Variants in IPO5 observed in about 807,000 individuals in gnomAD.
IPO5 encodes importin 5.
IPO5 carries 18 observed loss-of-function variants against 143.3 expected under a neutral mutation model. That is an observed-to-expected ratio of 0.13 (90% CI 0.09 to 0.19). The LOEUF (loss-of-function observed/expected upper bound fraction) is 0.19. Ranked by LOEUF, IPO5 falls within the 10% of genes least tolerant of loss-of-function variation. The pLI is 1.00. For missense variants in IPO5, 1,013 were observed against 1,336.9 expected, an observed-to-expected ratio of 0.76 and a Z score of 3.78; for synonymous variants, 477 against 465.7, an observed-to-expected ratio of 1.02 and a Z score of -0.31.
rs746221898 is a variant in IPO5, at chr13:97,990,485, A to C, written c.617A>C (p.His206Pro). ...ATAAFILANE[H>P]NVALFKHFAD... ...GCTGCATTTATACTTGCAAATGAGC[A>C]TAATGTTGCTCTGTTCAAACATTTT... The change falls in exon 9 of 29, where the codon CAT becomes CCT. Residue 206 changes from histidine to proline, a missense_variant. This residue lies in a region of IPO5 where 328 missense variants were observed against 342.0 expected (regional missense o/e 0.96). Coordinates refer to ENST00000651721, the MANE Select transcript of IPO5 (RefSeq NM_002271.6). The C allele has an allele frequency of 1.2e-6, 2 of 1,608,288 alleles. No homozygotes were observed. The highest frequency in any genetic ancestry group is 1.7e-6 in the Non-Finnish European group (2 of 1,178,728).
chr13:97,995,773 A>AATC (rs1888232797), intron 11 of IPO5, among the ~76,000 whole-genome samples: 1 of 151,982 alleles, frequency 6.6e-6, no homozygotes, highest in South Asian at 2.1e-4. Flanking sequence ...TAATAATAAT[A>AATC]ATAATAATTT....
intron 1 of IPO5, 197 bp downstream of exon 1, chr13:97,953,913 C>T: frequency 2.2e-6 from 1 of 456,070 alleles, no homozygotes; most frequent in Non-Finnish European, 4.4e-6. Context: ...GGAGAACATT[C>T]TACACAAAAA....
At chr13:97,994,727 T>C (rs192983061) in intron 11 of IPO5, among the ~76,000 whole-genome samples, 28 of 152,282 alleles carry the variant, frequency 1.8e-4, no homozygotes, top group African/African-American at 6.5e-4. Flanking sequence ...TTAGAATGCA[T>C]TGATGATGCA....
At chr13:97,995,775 T>G (rs1888233027) in intron 11 of IPO5, among the ~76,000 whole-genome samples, 1 of 151,804 alleles carries the variant, frequency 6.6e-6, no homozygotes, top group Non-Finnish European at 1.5e-5. Context: ...ATAATAATAA[T>G]AATAATTTGG....
Position 97,965,182 on chromosome 13 carries a change from G to A in IPO5, c.-112-4541G>A, listed in dbSNP as rs1389313461. ...AGGAAGGGGAACATCACACACCAGG[G>A]CCTGTCGGGGGGTGGGGGACAAGGG... On this transcript the variant is annotated intron_variant, in intron 2 of 28. Coordinates refer to ENST00000651721, the MANE Select transcript of IPO5 (RefSeq NM_002271.6). Among the ~76,000 whole-genome samples, 2 of 152,118 alleles carry A rather than the reference G, an allele frequency of 1.3e-5. 1 individual carries two copies. The highest frequency in any genetic ancestry group is 3.8e-4 in the East Asian group (2 of 5,198).
intron 9 of IPO5, 48 bp from the exon 10 acceptor site, chr13:97,992,844 A>T: frequency 1.9e-6 from 3 of 1,566,292 alleles, no homozygotes; most frequent in Non-Finnish European, 2.6e-6. Context: ...CTAATGAGGC[A>T]TTATAAAGTG....
intron 2 of IPO5, among the ~76,000 whole-genome samples, chr13:97,965,188 C>CG (rs1339004822): frequency 3.3e-5 from 5 of 151,878 alleles, no homozygotes; most frequent in Admixed American, 2.0e-4. Flanking sequence ...CAGGGCCTGT[C>CG]GGGGGGTGGG....
chr13:97,971,983 A>G (rs1398167271), intron 3 of IPO5, among the ~76,000 whole-genome samples: 7 of 152,198 alleles, frequency 4.6e-5, no homozygotes, highest in African/African-American at 1.7e-4. Flanking sequence ...AAACAAAGCC[A>G]GCATTCTTTT....
chr13:98,003,042 GT>G lies in IPO5; in HGVS notation c.1497+9del. 3 of 1,599,706 alleles carry G rather than the reference GT, an allele frequency of 1.9e-6. No individual in the cohort carries two copies. Among genetic ancestry groups the G allele is most frequent in the Non-Finnish European group, 2.6e-6 (3 of 1,173,312 alleles). ...ATGGTACTGAAGCTTCAAGAGGTAA[GT>G]TTTAAGATCTGTAGGCTGCTTTCTG... is the stretch of plus-strand genomic sequence containing the variant. On this transcript the variant is annotated splice_donor_region_variant and intron_variant, in intron 16 of 28. Transcript: ENST00000651721.
rs549448243 is a variant in IPO5, at chr13:98,006,174, A to G, written c.1542A>G (p.Thr514=). The G allele has an allele frequency of 3.7e-6, 6 of 1,613,984 alleles. No homozygotes were observed. The South Asian group carries it at 6.6e-5, about 18-fold the overall frequency. ...AGTTAGTTTTGGAACAAGTTGTGAC[A>G]TCCATTGCATCAGTTGCCGATACTG... is the stretch of plus-strand genomic sequence containing the variant. ...GTKLVLEQVV[T]SIASVADTAE... The change falls in exon 17 of 29, where the codon ACA becomes ACG. Residue 514 remains threonine, a synonymous_variant. Coordinates refer to ENST00000651721, the MANE Select transcript of IPO5 (RefSeq NM_002271.6).
intron 12 of IPO5, among the ~76,000 whole-genome samples, chr13:97,998,820 G>A (rs751851650): frequency 1.3e-5 from 2 of 152,060 alleles, no homozygotes; most frequent in Non-Finnish European, 2.9e-5. Context: ...ATTCTTCCCA[G>A]TGCATTATAC....
intron 3 of IPO5, among the ~76,000 whole-genome samples, chr13:97,972,799 A>G (rs2139570073): frequency 6.6e-6 from 1 of 152,056 alleles, no homozygotes; most frequent in South Asian, 2.1e-4. Context: ...TTAATGCTAG[A>G]AGAACTTTTA....
At chr13:98,000,800 C>G (rs1888704609) in intron 13 of IPO5, 155 bp downstream of exon 13, 1 of 588,488 alleles carries the variant, frequency 1.7e-6, no homozygotes, top group Non-Finnish European at 3.0e-6. Context: ...ATTGTCAATC[C>G]CAAAGAAAAT....
At chr13:98,012,656 A>AAGAAAATAAGACTTTTATTTTAAG (rs1889799441) in intron 21 of IPO5, among the ~76,000 whole-genome samples, 1 of 152,140 alleles carries the variant, frequency 6.6e-6, no homozygotes, top group Non-Finnish European at 1.5e-5. Context: ...GGTAAACGTT[A>AAGAAAATAAGACTTTTATTTTAAG]AGAAAATAAG....
At chr13:98,000,835 A>C in intron 13 of IPO5, 190 bp downstream of exon 13, 3 of 561,644 alleles carry the variant, frequency 5.3e-6, no homozygotes, top group Non-Finnish European at 9.5e-6. Flanking sequence ...CCTAGCCAAA[A>C]GTATTTAGAT....
intron 28 of IPO5, 118 bp downstream of exon 28, chr13:98,021,251 A>G (rs1890466589): frequency 3.4e-6 from 3 of 878,562 alleles, no homozygotes; most frequent in Admixed American, 6.2e-5. Context: ...ATATTTTCAT[A>G]GTCTCTTGTC....
chr13:97,958,745 C>G (rs954141680), intron 2 of IPO5, among the ~76,000 whole-genome samples: 1 of 151,874 alleles, frequency 6.6e-6, no homozygotes, highest in African/African-American at 2.4e-5. Context: ...CTGTTGATTG[C>G]TACCACCTCA....
chr13:98,008,666 A>G (rs563802632), intron 18 of IPO5, among the ~76,000 whole-genome samples: 1 of 152,240 alleles, frequency 6.6e-6, no homozygotes, highest in African/African-American at 2.4e-5. Context: ...ACACACACGC[A>G]CATACACACA....
rs372020522 is a variant in IPO5, at chr13:97,985,532, A to G, written c.283A>G (p.Met95Val). 5 of 1,613,220 alleles carry G rather than the reference A, an allele frequency of 3.1e-6. No homozygotes were observed. The highest frequency in any genetic ancestry group is 3.4e-6 in the Non-Finnish European group (4 of 1,179,150). Residue 95 changes from methionine to valine, a missense_variant, in exon 6 of 29, where the codon ATG (methionine) becomes GTG (valine). Around this residue, in one of 2 missense-constraint regions of IPO5, gnomAD observed 328 missense variants for 342.0 expected, o/e 0.96. Transcript: ENST00000651721. Reference protein sequence around the residue: ...VQTAIKSELLMIIQMETQSSM... With the variant: ...VQTAIKSELLVIIQMETQSSM... ...GACTGCCATCAAGAGTGAGCTACTC[A>G]TGATTATTCAGATGGAAACACAATC...
Sources: allele counts gnomAD v4.1 joint callset (sites outside exome capture counted in the v4.1 genomes callset), GRCh38; gene constraint gnomAD v4.1.1; regional missense constraint gnomAD v4.1.1; transcripts MANE v1.5; gene names NCBI Gene and HGNC (gene_info 2026-07-23, HGNC 2026-07-21).